The following KCNH8 variants were observed in gnomAD, a reference collection of about 807,000 sequenced individuals.
The protein encoded by KCNH8 is voltage-gated delayed rectifier potassium channel KCNH8.
Under a neutral mutation model 103.6 loss-of-function variants are expected in KCNH8, and 70 were observed. The ratio of observed to expected loss-of-function variants is 0.68; its 90% CI spans 0.56 to 0.82. The LOEUF is 0.82. Ranked by LOEUF, KCNH8 falls within the 40% of genes least tolerant of loss-of-function variation. The pLI is 0.00. For missense variants in KCNH8, 1,217 were observed against 1,329.9 expected, an observed-to-expected ratio of 0.92 and a Z score of 1.32; for synonymous variants, 498 against 489.4, an observed-to-expected ratio of 1.02 and a Z score of -0.23.
intron 5 of KCNH8, among the ~76,000 whole-genome samples, chr3:19,388,206 G>A (rs1279935313): frequency 1.3e-5 from 2 of 152,004 alleles, no homozygotes; most frequent in Non-Finnish European, 2.9e-5. Flanking sequence ...CCTATATTGC[G>A]GAAACCAAAC....
At chr3:19,466,701 C>A (rs2067745162) in intron 11 of KCNH8, among the ~76,000 whole-genome samples, 1 of 141,568 alleles carries the variant, frequency 7.1e-6, no homozygotes, top group Admixed American at 7.3e-5. Context: ...CTCGCTCTTG[C>A]CGCCCAGGCT....
At chr3:19,341,074 TTTC>T (rs1310779978) in intron 3 of KCNH8, among the ~76,000 whole-genome samples, 1 of 152,112 alleles carries the variant, frequency 6.6e-6, no homozygotes, top group East Asian at 1.9e-4. Flanking sequence ...CCAGTTCTCT[TTTC>T]TTGATTCTTC....
chr3:19,253,903 T>A lies in KCNH8; in HGVS notation c.310+16T>A. The A allele has an allele frequency of 6.3e-7, 1 of 1,579,004 alleles. No homozygotes were observed. Among genetic ancestry groups the A allele is most frequent in the Non-Finnish European group, 8.7e-7 (1 of 1,148,664 alleles). ...AAGAAAAACGGTGAGTTGGCTTTCTTTCGTGCTCACTGGAGAGTAGTGAGA... is the reference window on the plus strand; with the variant it reads ...AAGAAAAACGGTGAGTTGGCTTTCTATCGTGCTCACTGGAGAGTAGTGAGA... On this transcript the variant is annotated intron_variant, in intron 2 of 15. Coordinates refer to ENST00000328405, the MANE Select transcript of KCNH8 (RefSeq NM_144633.3).
intron 3 of KCNH8, among the ~76,000 whole-genome samples, chr3:19,340,356 A>T (rs77071873): frequency 0.074 from 7,010 of 95,092 alleles, 180 homozygotes; most frequent in East Asian, 0.14. Flanking sequence ...TTTTTTTTTT[A>T]ATTTTTTTTT....
At position 19,201,231 on chromosome 3, in the gene KCNH8, CAAAAAAAAAAA is replaced by C. The variant is rs1170312203; in HGVS notation, c.77-52402_77-52392del. On this transcript the variant is annotated intron_variant, in intron 1 of 15. Coordinates refer to ENST00000328405, the MANE Select transcript of KCNH8 (RefSeq NM_144633.3). ...TGGGTGAAGTAGCAAGACTCTGCCT[CAAAAAAAAAAA>C]AAAAAAAAAAAAAAAAAAAAGAAAA... 3.1e-3 allele frequency among the ~76,000 whole-genome samples: 69 copies of C among 22,058 alleles called. 2 individuals carry two copies. Among genetic ancestry groups the C allele is most frequent in the African/African-American group, 8.0e-3 (45 of 5,604 alleles). The allele number at this position is 22,058 out of a possible 152,430, so 14.5% of individuals were successfully genotyped here. A position where few individuals can be genotyped will look rare whatever the true frequency, so the allele number is the denominator to read the frequency against.
At chr3:19,213,987 G>T (rs1323376095) in intron 1 of KCNH8, among the ~76,000 whole-genome samples, 2 of 152,194 alleles carry the variant, frequency 1.3e-5, no homozygotes, top group African/African-American at 4.8e-5. Context: ...ACCCACTGAA[G>T]TGCTCCTATT....
At chr3:19,267,888 A>G (rs1399171852) in intron 2 of KCNH8, among the ~76,000 whole-genome samples, 3 of 152,126 alleles carry the variant, frequency 2.0e-5, no homozygotes, top group Non-Finnish European at 4.4e-5. Flanking sequence ...TAATATGGCA[A>G]TAACAGTAAT....
At chr3:19,518,207 T>G (rs1474549807) in intron 15 of KCNH8, 133 bp downstream of exon 15, 1 of 635,538 alleles carries the variant, frequency 1.6e-6, no homozygotes, top group African/African-American at 1.8e-5. Flanking sequence ...GAATCTCTGC[T>G]CTGCCTCATG....
chr3:19,270,594 A>C (rs1377790141), intron 2 of KCNH8, among the ~76,000 whole-genome samples: 1 of 152,076 alleles, frequency 6.6e-6, no homozygotes, highest in African/African-American at 2.4e-5. Context: ...AGTTCTAGTG[A>C]GGTGCCCACT....
intron 1 of KCNH8, among the ~76,000 whole-genome samples, chr3:19,224,354 G>A (rs867378089): frequency 2.0e-5 from 3 of 151,978 alleles, no homozygotes; most frequent in Non-Finnish European, 4.4e-5. Context: ...GAAGCCTGTG[G>A]GAAATTAGTC....
At chr3:19,506,867 T>G (rs1367311763) in intron 11 of KCNH8, among the ~76,000 whole-genome samples, 1 of 152,050 alleles carries the variant, frequency 6.6e-6, no homozygotes, top group Non-Finnish European at 1.5e-5. Flanking sequence ...GGAGGGTACA[T>G]AGGTCACAGA....
At chr3:19,529,931 T>C (rs1297435855) in intron 15 of KCNH8, among the ~76,000 whole-genome samples, 1 of 152,204 alleles carries the variant, frequency 6.6e-6, no homozygotes, top group African/African-American at 2.4e-5. Flanking sequence ...TAGTTCAAGC[T>C]AGGATAGTAA....
chr3:19,214,755 G>A (rs1436246148), intron 1 of KCNH8, among the ~76,000 whole-genome samples: 4 of 152,214 alleles, frequency 2.6e-5, no homozygotes, highest in African/African-American at 7.2e-5. Flanking sequence ...CAAGGACACA[G>A]TGCTAGAAGA....
chr3:19,151,331 G>A (rs1460010087), intron 1 of KCNH8, among the ~76,000 whole-genome samples: 1 of 151,930 alleles, frequency 6.6e-6, no homozygotes, highest in Admixed American at 6.6e-5. Context: ...AACTTTGCTG[G>A]AAAGTGAATA....
At chr3:19,528,294 T>C (rs1231308875) in intron 15 of KCNH8, among the ~76,000 whole-genome samples, 2 of 152,062 alleles carry the variant, frequency 1.3e-5, no homozygotes, top group Non-Finnish European at 2.9e-5. Context: ...AATAACTTAA[T>C]TGAATTCATC....
intron 5 of KCNH8, among the ~76,000 whole-genome samples, chr3:19,372,795 G>T (rs920675204): frequency 2.1e-4 from 32 of 152,110 alleles, no homozygotes; most frequent in Admixed American, 6.5e-4. Flanking sequence ...CATCAATACC[G>T]AATTTATTGA....
intron 5 of KCNH8, among the ~76,000 whole-genome samples, chr3:19,369,607 A>G (rs2066059913): frequency 6.6e-6 from 1 of 152,028 alleles, no homozygotes; most frequent in Admixed American, 6.6e-5. Flanking sequence ...ATAGGATATC[A>G]TTCCAATGAA....
chr3:19,289,789 A>C (rs187176781), intron 3 of KCNH8, among the ~76,000 whole-genome samples: 69 of 152,270 alleles, frequency 4.5e-4, no homozygotes, highest in African/African-American at 1.4e-3. Context: ...GAAGAAAGTC[A>C]TTGGTATCTT....
chr3:19,412,999 C>T (rs1162465218), intron 7 of KCNH8, among the ~76,000 whole-genome samples: 1 of 152,028 alleles, frequency 6.6e-6, no homozygotes, highest in Non-Finnish European at 1.5e-5. Flanking sequence ...TTTGACCCAG[C>T]AATCTCATTA....
Sources: allele counts gnomAD v4.1 joint callset (sites outside exome capture counted in the v4.1 genomes callset), GRCh38; gene constraint gnomAD v4.1.1; transcripts MANE v1.5; gene names NCBI Gene and HGNC (gene_info 2026-07-23, HGNC 2026-07-21).